TAF1D: variants seen among roughly 807,000 people sequenced by gnomAD.
The protein encoded by TAF1D is TATA-box binding protein associated factor, RNA polymerase I subunit D.
A neutral mutation model predicts 26.2 loss-of-function variants in TAF1D; 23 were observed. The ratio of observed to expected loss-of-function variants is 0.88; its 90% CI spans 0.63 to 1.25. The LOEUF (loss-of-function observed/expected upper bound fraction) is 1.25. TAF1D is among the 50% of genes most tolerant of loss of function. The pLI, the probability that TAF1D is intolerant of heterozygous loss-of-function variation, is 0.00. For missense variants in TAF1D, 299 were observed against 322.0 expected, an observed-to-expected ratio of 0.93 and a Z score of 0.55; for synonymous variants, 100 against 105.6, an observed-to-expected ratio of 0.95 and a Z score of 0.33.
chr11:93,730,718 T>A (rs911885608), downstream of TAF1D: 2 of 501,932 alleles, frequency 4.0e-6, no homozygotes, highest in African/African-American at 3.9e-5. Context: ...CAGCCCTACA[T>A]AACAATAGTA....
chr11:93,731,998 A>G (rs1391238514), downstream of TAF1D: 2 of 514,532 alleles, frequency 3.9e-6, no homozygotes, highest in South Asian at 2.8e-5. Context: ...ACTCATAAAC[A>G]TAGCAAAATG....
downstream of TAF1D, chr11:93,730,930 C>A: frequency 2.1e-6 from 1 of 481,190 alleles, no homozygotes; most frequent in Non-Finnish European, 4.1e-6. Context: ...AAAGAAAAAT[C>A]ACATGTGGTT....
chr11:93,738,139 G>C lies in TAF1D; in HGVS notation c.429C>G (p.Asn143Lys), dbSNP rs199697391. The C allele has an allele frequency of 6.4e-7, 1 of 1,562,570 alleles. No homozygotes were observed. The highest frequency in any genetic ancestry group is 8.6e-7 in the Non-Finnish European group (1 of 1,163,744). The change falls in exon 3 of 6, where the codon AAC becomes AAG. Residue 143 changes from asparagine to lysine, a missense_variant. Transcript: ENST00000448108. Reference protein sequence around the residue: ...FPFLESENEKNAPWRKILTFE... With the variant: ...FPFLESENEKKAPWRKILTFE... ...ACGTTAAAATTTTTCTCCAAGGTGCGTTTTTTTCATTCTCTGATTCTAAAA... is the reference window on the plus strand; with the variant it reads ...ACGTTAAAATTTTTCTCCAAGGTGCCTTTTTTTCATTCTCTGATTCTAAAA...
chr11:93,732,529 C>A, downstream of TAF1D: 1 of 462,498 alleles, frequency 2.2e-6, no homozygotes, highest in Non-Finnish European at 4.4e-6. Flanking sequence ...ACTCGTATTC[C>A]CAAATTTGCA....
chr11:93,734,426 C>A, downstream of TAF1D: 1 of 328,150 alleles, frequency 3.0e-6, no homozygotes, highest in Admixed American at 3.9e-5. Flanking sequence ...ATTCAGGACC[C>A]TCTAATGCTT....
downstream of TAF1D, chr11:93,731,724 A>G: frequency 2.8e-6 from 1 of 359,150 alleles, no homozygotes; most frequent in Non-Finnish European, 5.4e-6. Flanking sequence ...AATAACCTGC[A>G]TGGCCTTTTA....
chr11:93,735,221 AACAT>A (rs759181509), downstream of TAF1D: 33 of 1,351,282 alleles, frequency 2.4e-5, no homozygotes, highest in Admixed American at 2.1e-4. Context: ...GTTAAACAAA[AACAT>A]ACATAAGTGC....
In TAF1D at chr11:93,735,823, ACTTT is replaced by A; in HGVS notation, c.*334_*337del. 1.9e-6 allele frequency: 2 copies of A among 1,069,516 alleles called. No homozygotes were observed. Among genetic ancestry groups the A allele is most frequent in the South Asian group, 5.7e-5 (2 of 35,062 alleles). The allele number at this position is 1,069,516 out of a possible 1,614,324, so 66.3% of individuals were successfully genotyped here. The stretch of plus-strand genomic sequence containing the variant: ...CTTCAAGATGGTTGGGTGTCAAGTT[ACTTT>A]AAGATTTTCTTTTCAAAATTAAAAT... On this transcript the variant is annotated 3_prime_UTR_variant, in exon 6 of 6. Coordinates refer to ENST00000448108, the MANE Select transcript of TAF1D (RefSeq NM_024116.4).
downstream of TAF1D, chr11:93,732,461 G>A (rs776427059): frequency 3.9e-6 from 2 of 518,802 alleles, no homozygotes; most frequent in African/African-American, 3.9e-5. Flanking sequence ...GAACACCCTA[G>A]CAGGTGTAAA....
At chr11:93,736,864 A>T in intron 4 of TAF1D, 113 bp from the exon 5 acceptor site, 1 of 1,291,140 alleles carries the variant, frequency 7.7e-7, no homozygotes, top group Non-Finnish European at 1.1e-6. Flanking sequence ...GGAAACACAA[A>T]ATTTGAGAAT....
At chr11:93,732,194 G>A (rs563697823), downstream of TAF1D, 1 of 499,454 alleles carries the variant, frequency 2.0e-6, no homozygotes, top group Non-Finnish European at 4.0e-6. Flanking sequence ...TGCTGGCAGT[G>A]CTACTGATAG....
intron 1 of TAF1D, among the ~76,000 whole-genome samples, chr11:93,739,976 A>AAG: frequency 6.6e-6 from 1 of 150,422 alleles, no homozygotes; most frequent in African/African-American, 2.4e-5. Context: ...AAAAAAAAAA[A>AAG]AAAAAAGAAA....
chr11:93,736,307 G>A lies in TAF1D; in HGVS notation c.694-3C>T. 1.3e-6 allele frequency: 2 copies of A among 1,590,596 alleles called. No homozygotes were observed. Among genetic ancestry groups the A allele is most frequent in the South Asian group, 1.1e-5 (1 of 86,976 alleles). On this transcript the variant is annotated splice_region_variant and splice_polypyrimidine_tract_variant and intron_variant, in intron 5 of 5. Coordinates refer to ENST00000448108, the MANE Select transcript of TAF1D (RefSeq NM_024116.4). ...GAACTTACTATGAAACTATCCCCCT[G>A]CATAAAACAAACAAAAAATCATGGA...
downstream of TAF1D, chr11:93,732,152 C>A (rs746156709): frequency 1.9e-6 from 1 of 516,886 alleles, no homozygotes; most frequent in Non-Finnish European, 3.9e-6. Flanking sequence ...GTCTTTAAAG[C>A]TTAGTAGTGT....
downstream of TAF1D, chr11:93,731,741 G>A (rs1469341887): frequency 1.1e-5 from 4 of 348,804 alleles, no homozygotes; most frequent in Non-Finnish European, 1.1e-5. Context: ...TTTAAGTAAT[G>A]AATTAACTTA....
Position 93,738,377 on chromosome 11 carries a change from G to C in TAF1D, c.191C>G (p.Ser64Ter), listed in dbSNP as rs1565244000. 1.5e-5 allele frequency: 25 copies of C among 1,613,904 alleles called. No homozygotes were observed. Among genetic ancestry groups the C allele is most frequent in the Non-Finnish European group, 2.0e-5 (24 of 1,179,964 alleles). ...TGGTTCAAAAGATGAGTCACTTGATGAATCACTTGCGTGAACACTTTCAGG... is the reference window on the plus strand; with the variant it reads ...TGGTTCAAAAGATGAGTCACTTGATCAATCACTTGCGTGAACACTTTCAGG... ...RTPESVHASD[S>*]SSDSSFEPIP... is the part of the protein sequence containing the mutation. The change falls in exon 3 of 6, where the codon TCA (serine) becomes TGA (stop). Residue 64 changes from serine to a stop codon, truncating the protein, a stop_gained. Coordinates refer to ENST00000448108, the MANE Select transcript of TAF1D (RefSeq NM_024116.4). LOFTEE classifies it high-confidence loss of function.
Position 93,736,169 on chromosome 11 carries a change from T to C in TAF1D, c.829A>G (p.Lys277Glu). 1.1e-5 allele frequency: 17 copies of C among 1,613,640 alleles called. No individual in the cohort carries two copies. Among genetic ancestry groups the C allele is most frequent in the Non-Finnish European group, 1.4e-5 (17 of 1,179,838 alleles). ...TGACATTCATGATCCTGTCACATTTTCAGGCCTCTCTGTCCAGTATTTTTG... is the reference window on the plus strand; with the variant it reads ...TGACATTCATGATCCTGTCACATTTCCAGGCCTCTCTGTCCAGTATTTTTG... ...KAKNTGQRGL[K>E]M Residue 277 changes from lysine (K) to glutamate (E), a missense_variant, in exon 6 of 6, where the codon AAA becomes GAA. Lys to Glu is a moderately conservative substitution (Grantham distance 56). Coordinates refer to ENST00000448108, the MANE Select transcript of TAF1D (RefSeq NM_024116.4).
In TAF1D at chr11:93,737,251, A is replaced by G. The variant is rs1940975610; in HGVS notation, c.460-12T>C. 2 of 1,582,470 alleles carry G rather than the reference A, an allele frequency of 1.3e-6. No individual in the cohort carries two copies. Among genetic ancestry groups the G allele is most frequent in the South Asian group, 2.3e-5 (2 of 85,736 alleles). On this transcript the variant is annotated splice_polypyrimidine_tract_variant and intron_variant, in intron 3 of 5. Transcript: ENST00000448108. ...CTTGCAACAGCTTGCTATATATTAAAAACACCATAAGTATGTCGAGATTTT... is the reference window on the plus strand; with the variant it reads ...CTTGCAACAGCTTGCTATATATTAAGAACACCATAAGTATGTCGAGATTTT...
At position 93,739,608 on chromosome 11, in the gene TAF1D, A is replaced by G. The variant is rs551451367; in HGVS notation, c.-27-277T>C. Among the ~76,000 whole-genome samples, 3 of 152,334 alleles carry G rather than the reference A, an allele frequency of 2.0e-5. No individual in the cohort carries two copies. The East Asian group carries it at 5.8e-4, about 29-fold the overall frequency. ...CAAAAGCATCTTTCAATATAAGTAA[A>G]AAATGTAGTTTTATCATTAGCCACA... On this transcript the variant is annotated intron_variant, in intron 1 of 5. Coordinates refer to ENST00000448108, the MANE Select transcript of TAF1D (RefSeq NM_024116.4).
Sources: allele counts gnomAD v4.1 joint callset (sites outside exome capture counted in the v4.1 genomes callset), GRCh38; gene constraint gnomAD v4.1.1; transcripts MANE v1.5; gene names NCBI Gene and HGNC (gene_info 2026-07-23, HGNC 2026-07-21).